EIF2AK4: variants seen among roughly 807,000 people sequenced by gnomAD.
EIF2AK4 encodes eIF-2-alpha kinase GCN2.
A neutral mutation model predicts 211.1 loss-of-function variants in EIF2AK4; 139 were observed. The observed-to-expected ratio is 0.66, with a 90% CI of 0.57 to 0.76. The LOEUF is 0.76. Among genes scored for constraint, EIF2AK4 ranks in the 30% least tolerant of loss-of-function variants. The pLI, the probability that EIF2AK4 is intolerant of heterozygous loss-of-function variation, is 0.00. For missense variants in EIF2AK4, 1,664 were observed against 2,043.8 expected (o/e 0.81, Z 3.58); for synonymous variants, 710 against 751.3 (o/e 0.94, Z 0.90).
intron 12 of EIF2AK4, 178 bp downstream of exon 12, chr15:39,977,022 C>A: frequency 1.4e-6 from 1 of 699,358 alleles, no homozygotes; most frequent in South Asian, 4.1e-5. Context: ...GCGTCCTTGG[C>A]TGCAACATCC....
At position 39,949,104 on chromosome 15, in the gene EIF2AK4, T is replaced by C; in HGVS notation, c.361-12T>C. On this transcript the variant is annotated splice_polypyrimidine_tract_variant and intron_variant, in intron 3 of 38. Transcript: ENST00000263791. ...TTGATCATTTGTGGTTGATTTTTGT[T>C]TACATGTTTAGGTGATGATCTTTGA... is the stretch of plus-strand genomic sequence containing the variant. 1.9e-6 allele frequency: 3 copies of C among 1,606,044 alleles called. No individual in the cohort carries two copies. The highest frequency in any genetic ancestry group is 2.6e-6 in the Non-Finnish European group (3 of 1,173,140).
intron 6 of EIF2AK4, 44 bp from the exon 7 acceptor site, chr15:39,961,740 T>A: frequency 6.7e-7 from 1 of 1,484,352 alleles, no homozygotes; most frequent in South Asian, 1.2e-5. Context: ...AAGAAAAAAA[T>A]GAAAAATGAT....
At chr15:39,940,997 A>G (rs2034137558) in intron 2 of EIF2AK4, among the ~76,000 whole-genome samples, 1 of 152,146 alleles carries the variant, frequency 6.6e-6, no homozygotes. Context: ...GTTGTAAAGG[A>G]TATGGCTCTG....
At chr15:39,967,933 G>T in intron 9 of EIF2AK4, 54 bp downstream of exon 9, 1 of 1,547,756 alleles carries the variant, frequency 6.5e-7, no homozygotes, top group Non-Finnish European at 8.8e-7. Context: ...ACTTTTGATT[G>T]TGCTGGAGTG....
intron 23 of EIF2AK4, among the ~76,000 whole-genome samples, chr15:40,005,684 G>A (rs1478042598): frequency 6.6e-6 from 1 of 151,118 alleles, no homozygotes; most frequent in Non-Finnish European, 1.5e-5. Context: ...CCATTCTCCT[G>A]CCTCACCCTC....
chr15:39,982,045 C>A (rs1013128227), intron 13 of EIF2AK4, among the ~76,000 whole-genome samples: 3 of 151,988 alleles, frequency 2.0e-5, no homozygotes, highest in Non-Finnish European at 4.4e-5. Flanking sequence ...CTGCCTCAGC[C>A]TCCCGAGTAG....
At chr15:39,940,708 A>C (rs2034133421) in intron 2 of EIF2AK4, among the ~76,000 whole-genome samples, 2 of 152,116 alleles carry the variant, frequency 1.3e-5, no homozygotes, top group Admixed American at 6.5e-5. Context: ...CCTGACACCA[A>C]ATACATGATG....
chr15:39,955,913 A>G, intron 6 of EIF2AK4, 145 bp downstream of exon 6: 3 of 727,104 alleles, frequency 4.1e-6, no homozygotes, highest in Non-Finnish European at 6.1e-6. Flanking sequence ...TATATTAGCA[A>G]TATATTAGGT....
chr15:39,961,043 C>T (rs1351876256), intron 6 of EIF2AK4, among the ~76,000 whole-genome samples: 1 of 152,140 alleles, frequency 6.6e-6, no homozygotes, highest in East Asian at 1.9e-4. Context: ...TTCCCTGCAA[C>T]CCTCTCCCCT....
At chr15:40,031,503 T>A (rs938802337) in intron 35 of EIF2AK4, among the ~76,000 whole-genome samples, 1 of 151,946 alleles carries the variant, frequency 6.6e-6, no homozygotes. Flanking sequence ...CATGTCCTCA[T>A]TGCTGCCACC....
intron 35 of EIF2AK4, among the ~76,000 whole-genome samples, chr15:40,031,551 C>T (rs1158944620): frequency 6.6e-6 from 1 of 152,132 alleles, no homozygotes; most frequent in Non-Finnish European, 1.5e-5. Flanking sequence ...ACTATCATCT[C>T]TCTGTCTCTG....
Position 40,035,151 on chromosome 15 carries a change from T to TAC in EIF2AK4, c.*69_*70dup. On this transcript the variant is annotated 3_prime_UTR_variant, in exon 39 of 39. Coordinates refer to ENST00000263791, the MANE Select transcript of EIF2AK4 (RefSeq NM_001013703.4). ...CTTATACTGGAATAATGGAATGTTG[T>TAC]ACATTCATCATAATTTAAAATTAAA... The TAC allele has an allele frequency of 1.7e-6, 2 of 1,167,970 alleles. No homozygotes were observed. The highest frequency in any genetic ancestry group is 1.2e-6 in the Non-Finnish European group (1 of 846,028). The allele number at this position is 1,167,970 out of a possible 1,614,324, so 72.4% of individuals were successfully genotyped here.
At chr15:39,942,324 C>A (rs914149875) in intron 2 of EIF2AK4, among the ~76,000 whole-genome samples, 1 of 152,128 alleles carries the variant, frequency 6.6e-6, no homozygotes, top group Non-Finnish European at 1.5e-5. Context: ...CATCCCAGCT[C>A]TTTGGGGAGG....
chr15:40,010,628 A>G (rs977858661), intron 26 of EIF2AK4, among the ~76,000 whole-genome samples: 1 of 21,726 alleles, frequency 4.6e-5, no homozygotes, highest in African/African-American at 1.3e-4. Flanking sequence ...TAACAGCACC[A>G]GAAGTCTATG....
chr15:39,971,873 A>C (rs1045220595), intron 9 of EIF2AK4, among the ~76,000 whole-genome samples: 4 of 152,186 alleles, frequency 2.6e-5, no homozygotes, highest in African/African-American at 9.7e-5. Context: ...CTGATTTACT[A>C]GGTCAGGGGT....
At chr15:40,019,617 A>C (rs2035355862) in intron 30 of EIF2AK4, among the ~76,000 whole-genome samples, 1 of 152,168 alleles carries the variant, frequency 6.6e-6, no homozygotes, top group Non-Finnish European at 1.5e-5. Context: ...TCTAGACTGC[A>C]CGCTCCTTAG....
chr15:39,946,932 A>C (rs1427862499), intron 3 of EIF2AK4: 18 of 409,924 alleles, frequency 4.4e-5, no homozygotes, highest in Non-Finnish European at 5.7e-5. Context: ...GCTATTTCAC[A>C]CTTAATAGAC....
At position 40,001,086 on chromosome 15, in the gene EIF2AK4, G is replaced by A. The variant is rs1176631965; in HGVS notation, c.3021G>A (p.Glu1007=). ...AGCTGCTGCCCCCACCCCAGATGGA[G>A]GAGTCAGAGCTGCATGAAGTGCTGC... ...KSELLPPPQM[E]ESELHEVLHH... is the part of the protein sequence containing the mutation. Residue 1007 remains glutamate, a synonymous_variant, in exon 21 of 39, where the codon GAG becomes GAA. Transcript: ENST00000263791. The A allele has an allele frequency of 6.2e-7, 1 of 1,614,184 alleles. No homozygotes were observed. Among genetic ancestry groups the A allele is most frequent in the South Asian group, 1.1e-5 (1 of 91,082 alleles).
At chr15:39,945,952 T>C (rs560091907) in intron 3 of EIF2AK4, among the ~76,000 whole-genome samples, 15 of 152,242 alleles carry the variant, frequency 9.9e-5, no homozygotes, top group Admixed American at 5.9e-4. Flanking sequence ...GACCTGCTGC[T>C]CTGAAAAAAA....
Sources: gnomAD v4.1 joint callset for allele counts (sites outside exome capture counted in the v4.1 genomes callset) on GRCh38, gnomAD v4.1.1 for gene constraint, MANE v1.5 for transcripts, NCBI Gene and HGNC (gene_info 2026-07-23, HGNC 2026-07-21) for gene names.